AFF1: variants seen among roughly 807,000 people sequenced by gnomAD.
The protein encoded by AFF1 is ALF transcription elongation factor 1, also known as AF4/FMR2 family member 1.
Under a neutral mutation model 121.7 loss-of-function variants are expected in AFF1, and 48 were observed. That is an observed-to-expected ratio of 0.39 (90% CI 0.31 to 0.50). The LOEUF (loss-of-function observed/expected upper bound fraction) is 0.50, where lower values mean the gene tolerates loss of function less well. Among genes scored for constraint, AFF1 ranks in the 20% least tolerant of loss-of-function variants. The pLI is 0.76. For missense variants in AFF1, 1,523 were observed against 1,511.7 expected (o/e 1.01, Z -0.12); for synonymous variants, 613 against 563.0 (o/e 1.09, Z -1.26).
chr4:86,970,473 G>C (rs566737222), intron 2 of AFF1, among the ~76,000 whole-genome samples: 1 of 152,288 alleles, frequency 6.6e-6, no homozygotes, highest in South Asian at 2.1e-4. Flanking sequence ...TTTATTTTTA[G>C]TTAAAAATAT....
intron 2 of AFF1, among the ~76,000 whole-genome samples, chr4:86,963,642 T>G (rs1208656648): frequency 6.6e-6 from 1 of 152,208 alleles, no homozygotes. Flanking sequence ...ATTTGAAGTT[T>G]AAAGGGGTTA....
At chr4:87,041,902 C>T (rs990461535) in intron 2 of AFF1, among the ~76,000 whole-genome samples, 1 of 151,676 alleles carries the variant, frequency 6.6e-6, no homozygotes, top group Non-Finnish European at 1.5e-5. Context: ...CTAATGCTAT[C>T]TACTCGGGAG....
intron 4 of AFF1, among the ~76,000 whole-genome samples, chr4:87,066,616 A>G (rs1721374101): frequency 6.6e-6 from 1 of 152,026 alleles, no homozygotes; most frequent in Admixed American, 6.5e-5. Flanking sequence ...AAAAACAGGT[A>G]GGGAGAGACA....
intron 4 of AFF1, among the ~76,000 whole-genome samples, chr4:87,049,092 AAAAGG>A (rs1242376100): frequency 2.5e-4 from 18 of 70,634 alleles, no homozygotes; most frequent in African/African-American, 8.9e-4. Context: ...AAAAAAAAAA[AAAAGG>A]GGGGGGGGGG....
At chr4:87,104,597 A>T (rs541428292) in intron 8 of AFF1, among the ~76,000 whole-genome samples, 1 of 152,160 alleles carries the variant, frequency 6.6e-6, no homozygotes, top group Non-Finnish European at 1.5e-5. Context: ...TTTTCATTAG[A>T]AAACATAGTG....
At chr4:86,986,244 G>A (rs1387008266) in intron 2 of AFF1, among the ~76,000 whole-genome samples, 1 of 151,818 alleles carries the variant, frequency 6.6e-6, no homozygotes, top group Non-Finnish European at 1.5e-5. Flanking sequence ...GCTAATTTTT[G>A]TATTTTTAGT....
chr4:87,058,987 C>G (rs956980722), intron 4 of AFF1, among the ~76,000 whole-genome samples: 1 of 152,188 alleles, frequency 6.6e-6, no homozygotes, highest in Non-Finnish European at 1.5e-5. Context: ...ACACTCTCCT[C>G]CCCTGTTGTC....
intron 5 of AFF1, 103 bp from the exon 6 acceptor site, chr4:87,089,881 C>T: frequency 1.3e-6 from 1 of 765,824 alleles, no homozygotes; most frequent in South Asian, 1.8e-5. Context: ...ATTGTACTTG[C>T]CATTTATGAT....
At chr4:87,016,697 C>T (rs1157712601) in intron 2 of AFF1, among the ~76,000 whole-genome samples, 1 of 152,146 alleles carries the variant, frequency 6.6e-6, no homozygotes, top group African/African-American at 2.4e-5. Flanking sequence ...CTGGTAAGAT[C>T]CCTCCTGCCC....
intron 12 of AFF1, among the ~76,000 whole-genome samples, chr4:87,117,993 C>T (rs1418980893): frequency 2.6e-5 from 4 of 152,142 alleles, no homozygotes; most frequent in Non-Finnish European, 1.5e-5. Flanking sequence ...GTACTGCTCA[C>T]ATTTGGATAA....
At chr4:87,096,730 C>A (rs1248772197) in intron 8 of AFF1, among the ~76,000 whole-genome samples, 3 of 151,784 alleles carry the variant, frequency 2.0e-5, no homozygotes, top group Non-Finnish European at 4.4e-5. Flanking sequence ...TTCCCTTTTG[C>A]CTTTCACCTT....
chr4:86,968,114 A>T lies in AFF1; in HGVS notation c.38+19543A>T, dbSNP rs76743606. The stretch of plus-strand genomic sequence containing the variant: ...CAGGTGGGGAGAAGAGGTTCAGAAC[A>T]TCAAATGCTGTTAAACTGTGGATTC... On this transcript the variant is annotated intron_variant, in intron 2 of 20. Transcript: ENST00000395146. Among the ~76,000 whole-genome samples, 942 of 152,306 alleles carry T rather than the reference A, an allele frequency of 6.2e-3. 6 individuals carry two copies. The highest frequency in any genetic ancestry group is 0.021 in the African/African-American group (892 of 41,566).
At chr4:86,974,564 A>G (rs987622214) in intron 2 of AFF1, among the ~76,000 whole-genome samples, 4 of 152,180 alleles carry the variant, frequency 2.6e-5, no homozygotes, top group African/African-American at 9.7e-5. Context: ...ACTGGTTGCT[A>G]TGAAGCTGCT....
intron 18 of AFF1, 87 bp downstream of exon 18, chr4:87,131,951 A>ATCTTTT: frequency 8.4e-7 from 1 of 1,193,852 alleles, no homozygotes; most frequent in Non-Finnish European, 1.1e-6. Flanking sequence ...TGTTTTCTTA[A>ATCTTTT]TGTGAAAATT....
At chr4:86,984,512 CAG>C (rs1250715123) in intron 2 of AFF1, among the ~76,000 whole-genome samples, 1 of 152,054 alleles carries the variant, frequency 6.6e-6, no homozygotes, top group Non-Finnish European at 1.5e-5. Context: ...TTAGTAGAGA[CAG>C]GGTTTCACCG....
At chr4:87,063,997 C>G (rs926526070) in intron 4 of AFF1, among the ~76,000 whole-genome samples, 1 of 152,142 alleles carries the variant, frequency 6.6e-6, no homozygotes. Context: ...TAATTTTAGT[C>G]AAGTTTTTAA....
chr4:87,100,359 C>A (rs547831051), intron 8 of AFF1, among the ~76,000 whole-genome samples: 4 of 152,144 alleles, frequency 2.6e-5, no homozygotes, highest in African/African-American at 4.8e-5. Context: ...GTCCCTGACA[C>A]ACATGTCCAT....
At chr4:87,115,443 T>C (rs1020967261) in intron 12 of AFF1, 144 bp downstream of exon 12, 15 of 866,562 alleles carry the variant, frequency 1.7e-5, no homozygotes, top group Non-Finnish European at 2.2e-5. Context: ...TTGCATCTTC[T>C]TCCAGCATTA....
intron 2 of AFF1, among the ~76,000 whole-genome samples, chr4:86,977,322 G>A (rs562529700): frequency 8.7e-4 from 132 of 152,260 alleles, no homozygotes; most frequent in African/African-American, 2.5e-3. Context: ...GGGACGGAGA[G>A]GACAGCGAGA....
Sources: gnomAD v4.1 joint callset for allele counts (sites outside exome capture counted in the v4.1 genomes callset) on GRCh38, gnomAD v4.1.1 for gene constraint, MANE v1.5 for transcripts, NCBI Gene and HGNC (gene_info 2026-07-23, HGNC 2026-07-21) for gene names.